Variants in DLG2 observed in about 807,000 individuals in gnomAD.
DLG2 encodes the protein discs large MAGUK scaffold protein 2, also known as disks large homolog 2.
DLG2 carries 45 observed loss-of-function variants against 132.5 expected under a neutral mutation model. The observed-to-expected ratio is 0.34, with a 90% CI of 0.27 to 0.44. The LOEUF (loss-of-function observed/expected upper bound fraction) is 0.44. DLG2 is among the 20% of genes least tolerant of loss of function. The probability of loss-of-function intolerance (pLI) is 1.00; values close to 1 mark genes in which losing one functional copy is unlikely to be tolerated. For missense variants in DLG2, 1,045 were observed against 1,196.9 expected, an observed-to-expected ratio of 0.87 and a Z score of 1.87; for synonymous variants, 424 against 419.6, an observed-to-expected ratio of 1.01 and a Z score of -0.13.
chr11:84,346,811 C>T (rs768390116), intron 7 of DLG2, among the ~76,000 whole-genome samples: 4 of 152,076 alleles, frequency 2.6e-5, no homozygotes, highest in Non-Finnish European at 4.4e-5. Flanking sequence ...CTCCTGACCT[C>T]GTGATCCACT....
intron 22 of DLG2, among the ~76,000 whole-genome samples, chr11:83,481,772 TG>T (rs2093131573): frequency 6.6e-6 from 1 of 152,122 alleles, no homozygotes; most frequent in Non-Finnish European, 1.5e-5. Context: ...GTGCATTTCA[TG>T]GAGATTATTA....
intron 11 of DLG2, among the ~76,000 whole-genome samples, chr11:84,028,590 C>A (rs988605927): frequency 2.6e-5 from 4 of 152,004 alleles, no homozygotes; most frequent in African/African-American, 9.7e-5. Context: ...ATCATTAGAC[C>A]AATTACAGAT....
At chr11:85,071,463 CA>C (rs1437545855) in intron 6 of DLG2, among the ~76,000 whole-genome samples, 1 of 151,772 alleles carries the variant, frequency 6.6e-6, no homozygotes, top group East Asian at 1.9e-4. Context: ...TAGATAATAA[CA>C]TAAGTGAATG....
rs67140653 is a variant in DLG2, at chr11:84,052,687, CAAAA to C, written c.919+6624_919+6627del. On this transcript the variant is annotated intron_variant, in intron 11 of 27. Coordinates refer to ENST00000376104, the MANE Select transcript of DLG2 (RefSeq NM_001142699.3). ...GCTAGAATGGCTATTATTAAAAAGT[CAAAA>C]AAAAAAAAAAAAAAACAGATGCAGG... 3.1e-3 allele frequency among the ~76,000 whole-genome samples: 384 copies of C among 125,256 alleles called. 1 individual carries two copies. The highest frequency in any genetic ancestry group is 0.021 in the East Asian group (88 of 4,230). 82.2% of individuals were successfully genotyped at this position (125,256 alleles called of 152,430 possible). A position where few individuals can be genotyped will look rare whatever the true frequency, so the allele number is the denominator to read the frequency against.
At chr11:84,313,281 A>C (rs916422090) in intron 7 of DLG2, among the ~76,000 whole-genome samples, 24 of 151,302 alleles carry the variant, frequency 1.6e-4, no homozygotes, top group African/African-American at 5.8e-4. Flanking sequence ...CGCCGGGCTA[A>C]TTTTTGTATT....
At chr11:83,489,064 T>G (rs1488711088) in intron 21 of DLG2, among the ~76,000 whole-genome samples, 2 of 151,998 alleles carry the variant, frequency 1.3e-5, no homozygotes, top group Non-Finnish European at 2.9e-5. Context: ...AACTAATGGA[T>G]GTAGGCATTG....
intron 6 of DLG2, among the ~76,000 whole-genome samples, chr11:84,731,854 C>T (rs550623821): frequency 2.0e-5 from 3 of 152,130 alleles, no homozygotes; most frequent in Non-Finnish European, 2.9e-5. Flanking sequence ...ATCTGTGAAA[C>T]TGTCAACATA....
chr11:83,639,278 G>C (rs2065731918), intron 18 of DLG2, among the ~76,000 whole-genome samples: 1 of 152,146 alleles, frequency 6.6e-6, no homozygotes, highest in Non-Finnish European at 1.5e-5. Flanking sequence ...CCAGATAAGA[G>C]GAAGCCATAA....
At chr11:85,426,227 C>A (rs1383534387) in intron 3 of DLG2, among the ~76,000 whole-genome samples, 1 of 151,996 alleles carries the variant, frequency 6.6e-6, no homozygotes, top group Non-Finnish European at 1.5e-5. Context: ...CACAGCCAAA[C>A]AAAATCCTCT....
chr11:85,179,508 C>T (rs1452936706), intron 4 of DLG2, among the ~76,000 whole-genome samples: 2 of 151,594 alleles, frequency 1.3e-5, no homozygotes, highest in Non-Finnish European at 3.0e-5. Flanking sequence ...ATAAATATAA[C>T]TTTAGATTTC....
intron 7 of DLG2, among the ~76,000 whole-genome samples, chr11:84,378,331 T>C (rs1057263308): frequency 6.6e-6 from 1 of 152,112 alleles, no homozygotes; most frequent in Non-Finnish European, 1.5e-5. Flanking sequence ...AAGGCAGCCA[T>C]ATACAAGCCA....
At chr11:83,460,020 G>T (rs2089585012) in intron 27 of DLG2, 96 bp from the exon 28 acceptor site, 7 of 623,702 alleles carry the variant, frequency 1.1e-5, no homozygotes, top group Admixed American at 5.4e-5. Flanking sequence ...ATCAGTAGCA[G>T]ATGACTCATC....
intron 2 of DLG2, among the ~76,000 whole-genome samples, chr11:85,616,351 C>G (rs1056640047): frequency 5.3e-5 from 8 of 151,994 alleles, no homozygotes; most frequent in African/African-American, 1.9e-4. Flanking sequence ...GAAACAAGTT[C>G]AGAAGGATTA....
intron 6 of DLG2, among the ~76,000 whole-genome samples, chr11:85,058,756 A>G (rs2063720586): frequency 6.6e-6 from 1 of 151,538 alleles, no homozygotes; most frequent in Admixed American, 6.6e-5. Context: ...TCAAAGGTAT[A>G]CTATAATTAA....
intron 3 of DLG2, among the ~76,000 whole-genome samples, chr11:85,589,230 T>C: frequency 6.6e-6 from 1 of 152,192 alleles, no homozygotes; most frequent in East Asian, 1.9e-4. Flanking sequence ...CGGAATTAGC[T>C]GTTGTTTTCC....
intron 14 of DLG2, among the ~76,000 whole-genome samples, chr11:83,948,385 C>T (rs1327638698): frequency 6.6e-6 from 1 of 152,058 alleles, no homozygotes; most frequent in East Asian, 1.9e-4. Flanking sequence ...ATTAAGGCAG[C>T]CACATGGGGT....
At chr11:85,273,984 T>C (rs2077716637) in intron 4 of DLG2, among the ~76,000 whole-genome samples, 2 of 152,116 alleles carry the variant, frequency 1.3e-5, no homozygotes, top group Non-Finnish European at 2.9e-5. Context: ...AAACCATCAT[T>C]CTCAGCAAAC....
intron 6 of DLG2, among the ~76,000 whole-genome samples, chr11:84,997,971 T>C (rs955830205): frequency 6.6e-6 from 1 of 152,140 alleles, no homozygotes; most frequent in African/African-American, 2.4e-5. Flanking sequence ...AAGACACCTG[T>C]GGGTTGGTAC....
At chr11:84,373,162 A>G (rs951206011) in intron 7 of DLG2, among the ~76,000 whole-genome samples, 2 of 149,874 alleles carry the variant, frequency 1.3e-5, no homozygotes, top group Non-Finnish European at 3.0e-5. Context: ...TGCAAGGCCA[A>G]CGTTCAAACT....
Sources: gnomAD v4.1 joint callset for allele counts (sites outside exome capture counted in the v4.1 genomes callset) on GRCh38, gnomAD v4.1.1 for gene constraint, MANE v1.5 for transcripts, NCBI Gene and HGNC (gene_info 2026-07-23, HGNC 2026-07-21) for gene names.